The following PCSK9 variants were observed in gnomAD, a reference collection of about 807,000 sequenced individuals.
The protein encoded by PCSK9 is proprotein convertase subtilisin/kexin type 9.
In PCSK9, 57 loss-of-function variants were observed where a neutral mutation model predicts 62.1. The observed-to-expected ratio is 0.92, with a 90% CI of 0.74 to 1.14. The LOEUF is 1.14. Among genes scored for constraint, PCSK9 ranks in the 50% most tolerant of loss-of-function variants. PCSK9 has a pLI of 0.00. For missense variants in PCSK9, 870 were observed against 959.8 expected (o/e 0.91, Z 1.24); for synonymous variants, 387 against 409.4 (o/e 0.95, Z 0.66).
Position 55,063,419 on chromosome 1 carries a change from C to T in PCSK9, c.1914C>T (p.Leu638=), listed in dbSNP as rs948729146. 5.6e-6 allele frequency: 9 copies of T among 1,613,816 alleles called. No homozygotes were observed. Among genetic ancestry groups the T allele is most frequent in the African/African-American group, 1.3e-5 (1 of 74,930 alleles). Residue 638 remains leucine, a synonymous_variant, in exon 12 of 12, where the codon CTC becomes CTT. Coordinates refer to ENST00000302118, the MANE Select transcript of PCSK9 (RefSeq NM_174936.4). ...GGACCCTGACTGGCTGCAGTGCCCT[C>T]CCTGGGACCTCCCACGTCCTGGGGG... ...EGWTLTGCSA[L]PGTSHVLGAY...
Position 55,064,423 on chromosome 1 carries a change from A to C in PCSK9, c.*839A>C, listed in dbSNP as rs1049560093. 6 of 152,282 alleles carry C rather than the reference A, an allele frequency of 3.9e-5. No individual in the cohort carries two copies. Among genetic ancestry groups the C allele is most frequent in the African/African-American group, 1.4e-4 (6 of 41,470 alleles). 9.4% of individuals were successfully genotyped at this position (152,282 alleles called of 1,614,324 possible). ...GCTCACACAGCAGGAACTGAGCCAGAAACGCAGATTGGGCTGGCTCTGAAG... is the reference window on the plus strand; with the variant it reads ...GCTCACACAGCAGGAACTGAGCCAGCAACGCAGATTGGGCTGGCTCTGAAG... On this transcript the variant is annotated 3_prime_UTR_variant, in exon 12 of 12. Coordinates refer to ENST00000302118, the MANE Select transcript of PCSK9 (RefSeq NM_174936.4).
In PCSK9 at chr1:55,040,649, G is replaced by A. The variant is rs1056950798; in HGVS notation, c.207+605G>A. Among the ~76,000 whole-genome samples the A allele has an allele frequency of 2.0e-5, 3 of 152,234 alleles. No individual in the cohort carries two copies. The highest frequency in any genetic ancestry group is 4.8e-5 in the African/African-American group (2 of 41,470). On this transcript the variant is annotated intron_variant, in intron 1 of 11. Coordinates refer to ENST00000302118, the MANE Select transcript of PCSK9 (RefSeq NM_174936.4). The surrounding 1 kb of genome is among the most constrained non-coding windows in gnomAD (Gnocchi z 4.1). ...TAGTATTCCATCTGTTTCAGCCGAAGAAAAGAACCAGCTGAAGGGGCAGGG... is the reference window on the plus strand; with the variant it reads ...TAGTATTCCATCTGTTTCAGCCGAAAAAAAGAACCAGCTGAAGGGGCAGGG...
intron 1 of PCSK9, among the ~76,000 whole-genome samples, chr1:55,043,559 T>A (rs1379085202): frequency 5.3e-5 from 8 of 152,232 alleles, no homozygotes; most frequent in African/African-American, 1.2e-4. Context: ...CGTAGAGAGC[T>A]GGGTGCAGGT....
chr1:55,051,148 C>T, intron 3 of PCSK9: 1 of 456,312 alleles, frequency 2.2e-6, no homozygotes, highest in Non-Finnish European at 4.4e-6. Flanking sequence ...CTGAGCCTCC[C>T]ACACTTGCTC....
chr1:55,044,088 A>G lies in PCSK9; in HGVS notation c.399+54A>G, dbSNP rs566864318. The G allele has an allele frequency of 2.5e-6, 4 of 1,590,440 alleles. No individual in the cohort carries two copies. In the African/African-American group the frequency reaches 4.0e-5, roughly 16 times the overall value. On this transcript the variant is annotated intron_variant, in intron 2 of 11. Coordinates refer to ENST00000302118, the MANE Select transcript of PCSK9 (RefSeq NM_174936.4). Reference sequence around the variant, plus strand: ...TCCTGATAGGGCTGGGCCACTGCATATACACTGGGGACTGTGCTTAGTAGG... The same window carrying G: ...TCCTGATAGGGCTGGGCCACTGCATGTACACTGGGGACTGTGCTTAGTAGG...
At chr1:55,050,853 A>T in intron 3 of PCSK9, 1 of 304,290 alleles carries the variant, frequency 3.3e-6, no homozygotes, top group Non-Finnish European at 6.4e-6. Context: ...TTTGGAGAAA[A>T]GGTCTTTGTA....
intron 2 of PCSK9, among the ~76,000 whole-genome samples, chr1:55,044,498 G>A (rs1644619673): frequency 6.6e-6 from 1 of 152,198 alleles, no homozygotes. Flanking sequence ...CTTTAGGACA[G>A]GGTGGCCCTC....
chr1:55,052,109 C>T (rs1644678146), intron 3 of PCSK9, 169 bp from the exon 4 acceptor site: 2 of 933,630 alleles, frequency 2.1e-6, no homozygotes, highest in East Asian at 2.5e-5. Context: ...CTATGAAATA[C>T]ATTATAGAAT....
chr1:55,057,551 C>T (rs1386707897), intron 7 of PCSK9, 37 bp downstream of exon 7: 2 of 1,576,542 alleles, frequency 1.3e-6, no homozygotes, highest in South Asian at 2.3e-5. Flanking sequence ...CACCGTGATG[C>T]TAACAGCCCC....
chr1:55,060,273 G>A (rs1644748619), intron 10 of PCSK9, among the ~76,000 whole-genome samples: 1 of 152,210 alleles, frequency 6.6e-6, no homozygotes, highest in Non-Finnish European at 1.5e-5. Context: ...TCACAGATGG[G>A]GACCTCTTGG....
At chr1:55,056,420 G>GC (rs1036868224) in intron 6 of PCSK9, among the ~76,000 whole-genome samples, 2 of 152,058 alleles carry the variant, frequency 1.3e-5, no homozygotes, top group African/African-American at 4.8e-5. Flanking sequence ...AATAGCAGTG[G>GC]CCCCGCCATG....
chr1:55,060,016 G>A (rs571565277), intron 10 of PCSK9, among the ~76,000 whole-genome samples: 3 of 152,004 alleles, frequency 2.0e-5, no homozygotes, highest in African/African-American at 7.2e-5. Context: ...GGGCTGAAAG[G>A]AGGGCAGACC....
At chr1:55,055,885 CCACAA>C (rs1394036752) in intron 5 of PCSK9, 103 bp from the exon 6 acceptor site, 4 of 1,140,860 alleles carry the variant, frequency 3.5e-6, no homozygotes, top group Non-Finnish European at 4.9e-6. Flanking sequence ...AAACATCAGG[CCACAA>C]AGTTGATCCC....
In PCSK9 at chr1:55,064,293, C is replaced by G. The variant is rs889202048; in HGVS notation, c.*709C>G. The G allele has an allele frequency of 6.6e-6, 1 of 152,444 alleles. No homozygotes were observed. Among genetic ancestry groups the G allele is most frequent in the African/African-American group, 2.4e-5 (1 of 41,452 alleles). 9.4% of individuals were successfully genotyped at this position (152,444 alleles called of 1,614,324 possible). On this transcript the variant is annotated 3_prime_UTR_variant, in exon 12 of 12. Coordinates refer to ENST00000302118, the MANE Select transcript of PCSK9 (RefSeq NM_174936.4). ...ACTGACTCGGCAGTGTGCAGTGGTG[C>G]ATGCACTGTCTCAGCCAACCCGCTC...
Position 55,063,949 on chromosome 1 carries a change from C to A in PCSK9, c.*365C>A. 1 of 273,854 alleles carries A rather than the reference C, an allele frequency of 3.7e-6. No homozygotes were observed. Among genetic ancestry groups the A allele is most frequent in the East Asian group, 7.7e-5 (1 of 13,010 alleles). The allele number at this position is 273,854 out of a possible 1,614,324, so 17.0% of individuals were successfully genotyped here. On this transcript the variant is annotated 3_prime_UTR_variant, in exon 12 of 12. Transcript: ENST00000302118. ...TGTTCCGTGCCAGGCATTCAATCCT[C>A]AGGTCTCCACCAAGGAGGCAGGATT... is the stretch of plus-strand genomic sequence containing the variant.
In PCSK9 at chr1:55,058,181, C is replaced by T. The variant is rs28362262; in HGVS notation, c.1326C>T (p.Ala442=). ...DQRVLTPNLV[A]ALPPSTHGAG... is the part of the protein sequence containing the mutation. ...GGGTACTGACCCCCAACCTGGTGGC[C>T]GCCCTGCCCCCCAGCACCCATGGGG... is the stretch of plus-strand genomic sequence containing the variant. The change falls in exon 8 of 12, where the codon GCC becomes GCT. Residue 442 remains alanine (A), a synonymous_variant. Coordinates refer to ENST00000302118, the MANE Select transcript of PCSK9 (RefSeq NM_174936.4). The T allele has an allele frequency of 1.5e-3, 2,436 of 1,613,342 alleles. 29 individuals are homozygous for T. In the African/African-American group the frequency reaches 0.028, roughly 19 times the overall value.
intron 10 of PCSK9, among the ~76,000 whole-genome samples, chr1:55,060,052 C>T (rs1197579770): frequency 3.3e-5 from 5 of 152,158 alleles, no homozygotes; most frequent in Non-Finnish European, 1.5e-5. Flanking sequence ...CCCTGCCGCT[C>T]TATAGCTGTG....
chr1:55,059,340 T>C (rs1644741410), intron 9 of PCSK9, 146 bp from the exon 10 acceptor site: 3 of 991,106 alleles, frequency 3.0e-6, no homozygotes, highest in Admixed American at 2.0e-5. Flanking sequence ...TGGGCAGGAG[T>C]GAGCTCCTTG....
At chr1:55,045,564 G>C (rs967831453) in intron 2 of PCSK9, among the ~76,000 whole-genome samples, 1 of 152,156 alleles carries the variant, frequency 6.6e-6, no homozygotes, top group African/African-American at 2.4e-5. Flanking sequence ...GGTAAGGAGA[G>C]GGAATAGCTT....
Sources: gnomAD v4.1 joint callset for allele counts (sites outside exome capture counted in the v4.1 genomes callset) on GRCh38, gnomAD v4.1.1 for gene constraint, Gnocchi (gnomAD v3.1) non-coding constraint, MANE v1.5 for transcripts, NCBI Gene and HGNC (gene_info 2026-07-23, HGNC 2026-07-21) for gene names.